Variants in KLHL32 observed in about 807,000 individuals in gnomAD.
KLHL32 encodes the protein kelch like family member 32.
Under a neutral mutation model 64.8 loss-of-function variants are expected in KLHL32, and 35 were observed. The observed-to-expected ratio is 0.54, with a 90% CI of 0.41 to 0.72. KLHL32 has a LOEUF of 0.72. KLHL32 is among the 30% of genes least tolerant of loss of function. The pLI is 0.00. For synonymous variants in KLHL32, 259 were observed against 281.0 expected, an observed-to-expected ratio of 0.92 and a Z score of 0.78; for missense variants, 589 against 768.5, an observed-to-expected ratio of 0.77 and a Z score of 2.76.
At chr6:97,093,940 T>C (rs1345523906) in intron 6 of KLHL32, among the ~76,000 whole-genome samples, 2 of 152,186 alleles carry the variant, frequency 1.3e-5, no homozygotes, top group African/African-American at 4.8e-5. Context: ...AAAAAGTCTG[T>C]AGGCTGTTGT....
rs1789432283 is a variant in KLHL32 at position 97,064,670 on chromosome 6, G to T, written c.355G>T (p.Gly119Cys). 6.2e-7 allele frequency: 1 copy of T among 1,613,924 alleles called. No individual in the cohort carries two copies. The highest frequency in any genetic ancestry group is 8.5e-7 in the Non-Finnish European group (1 of 1,180,008). ...PGVIQDVLAA[G>C]SHLQLLELLN... ...TGTGATCCAGGATGTGCTAGCAGCG[G>T]GCAGTCACCTACAGCTGTTGGAGCT... The change falls in exon 5 of 11, where the codon GGC becomes TGC. Residue 119 changes from glycine to cysteine, a missense_variant. Gly to Cys is a radical substitution (Grantham distance 159). Transcript: ENST00000369261.
At chr6:97,020,523 A>C (rs1249521722) in intron 3 of KLHL32, among the ~76,000 whole-genome samples, 1 of 150,802 alleles carries the variant, frequency 6.6e-6, no homozygotes, top group Non-Finnish European at 1.5e-5. Context: ...TCCTACTAGT[A>C]CTATCAACTC....
chr6:97,023,927 C>G (rs1175511180), intron 3 of KLHL32, among the ~76,000 whole-genome samples: 1 of 152,142 alleles, frequency 6.6e-6, no homozygotes, highest in Admixed American at 6.5e-5. Context: ...GCAATTGTGA[C>G]TTTTGAAAAA....
chr6:97,094,842 A>C (rs181162443), intron 6 of KLHL32, among the ~76,000 whole-genome samples: 24 of 152,310 alleles, frequency 1.6e-4, no homozygotes, highest in African/African-American at 5.3e-4. Context: ...CTGAGGACAC[A>C]TATCTTCTTT....
chr6:97,050,037 A>G lies in KLHL32; in HGVS notation c.312+8438A>G, dbSNP rs955681091. Reference sequence around the variant, plus strand: ...TTTATTAAATTTCTCTGTGCTATCCAGTCAGAATGTGCTCAGAGTCTAGTT... The same window carrying G: ...TTTATTAAATTTCTCTGTGCTATCCGGTCAGAATGTGCTCAGAGTCTAGTT... On this transcript the variant is annotated intron_variant, in intron 4 of 10. Coordinates refer to ENST00000369261, the MANE Select transcript of KLHL32 (RefSeq NM_052904.4). 2.6e-5 allele frequency among the ~76,000 whole-genome samples: 4 copies of G among 152,164 alleles called. No homozygotes were observed. The South Asian group carries it at 8.3e-4, about 32-fold the overall frequency.
intron 3 of KLHL32, among the ~76,000 whole-genome samples, chr6:97,008,579 T>G (rs183409096): frequency 3.9e-5 from 6 of 152,224 alleles, no homozygotes; most frequent in Admixed American, 3.9e-4. Context: ...CCACCTCTCC[T>G]GGCAGCTCTC....
chr6:96,968,208 A>G (rs537377037), intron 2 of KLHL32, among the ~76,000 whole-genome samples: 1 of 152,184 alleles, frequency 6.6e-6, no homozygotes, highest in East Asian at 1.9e-4. Context: ...GTGATTCTCA[A>G]TGGTGGATGG....
At chr6:97,128,480 C>T (rs1056509373) in intron 8 of KLHL32, among the ~76,000 whole-genome samples, 3 of 152,180 alleles carry the variant, frequency 2.0e-5, no homozygotes, top group Non-Finnish European at 4.4e-5. Context: ...CATGTTTGTA[C>T]ACACATGCTC....
At chr6:96,932,929 A>G (rs1244467885) in intron 1 of KLHL32, among the ~76,000 whole-genome samples, 4 of 152,182 alleles carry the variant, frequency 2.6e-5, no homozygotes, top group African/African-American at 9.7e-5. Context: ...TAGCCATCAG[A>G]AGCCTGCAAT....
At chr6:97,091,397 T>C (rs777633767) in intron 6 of KLHL32, among the ~76,000 whole-genome samples, 2 of 152,174 alleles carry the variant, frequency 1.3e-5, no homozygotes, top group Non-Finnish European at 2.9e-5. Flanking sequence ...CAAATAGTTA[T>C]TGAGTGCCTG....
At chr6:97,122,509 A>G (rs903063612) in intron 7 of KLHL32, among the ~76,000 whole-genome samples, 13 of 152,198 alleles carry the variant, frequency 8.5e-5, no homozygotes, top group African/African-American at 3.1e-4. Flanking sequence ...TTCCTATGGT[A>G]TTACTTTTTT....
chr6:97,006,287 G>A (rs994323664), intron 3 of KLHL32, among the ~76,000 whole-genome samples: 1 of 152,034 alleles, frequency 6.6e-6, no homozygotes, highest in Non-Finnish European at 1.5e-5. Context: ...TTAAATTGTT[G>A]TTGTTGATTT....
At chr6:97,130,177 C>A (rs1799283524) in intron 8 of KLHL32, among the ~76,000 whole-genome samples, 1 of 152,202 alleles carries the variant, frequency 6.6e-6, no homozygotes, top group African/African-American at 2.4e-5. Flanking sequence ...ATGTATTGAA[C>A]ATTTTTCATG....
At chr6:96,932,873 G>C (rs1185807555) in intron 1 of KLHL32, among the ~76,000 whole-genome samples, 1 of 152,030 alleles carries the variant, frequency 6.6e-6, no homozygotes, top group Non-Finnish European at 1.5e-5. Context: ...ACCTTACCAA[G>C]TTGCCAATTT....
intron 3 of KLHL32, among the ~76,000 whole-genome samples, chr6:97,039,669 A>C (rs762571370): frequency 7.0e-6 from 1 of 141,862 alleles, no homozygotes; most frequent in Non-Finnish European, 1.5e-5. Flanking sequence ...AAAATACAAA[A>C]ATTAGCCAGG....
intron 5 of KLHL32, among the ~76,000 whole-genome samples, chr6:97,065,830 A>G (rs1331689807): frequency 2.0e-5 from 3 of 152,130 alleles, no homozygotes; most frequent in Non-Finnish European, 4.4e-5. Context: ...CATCTTATTT[A>G]ATCTTCCCAG....
chr6:97,041,349 ATGAC>A (rs1361598995), intron 3 of KLHL32, 139 bp from the exon 4 acceptor site: 6 of 608,294 alleles, frequency 9.9e-6, no homozygotes, highest in Non-Finnish European at 1.8e-5. Context: ...GTTTGTGTGA[ATGAC>A]ACTTTCTAGA....
chr6:97,137,153 A>T (rs1562373586), intron 10 of KLHL32, among the ~76,000 whole-genome samples: 1 of 152,100 alleles, frequency 6.6e-6, no homozygotes, highest in African/African-American at 2.4e-5. Context: ...CCCTTTTCTC[A>T]TGGGGCGAAG....
At chr6:97,118,782 C>T (rs1798076643) in intron 7 of KLHL32, among the ~76,000 whole-genome samples, 1 of 152,150 alleles carries the variant, frequency 6.6e-6, no homozygotes, top group Non-Finnish European at 1.5e-5. Flanking sequence ...AGTTCCTAAC[C>T]TCTCCAAGTC....
Sources: allele counts gnomAD v4.1 joint callset (sites outside exome capture counted in the v4.1 genomes callset), GRCh38; gene constraint gnomAD v4.1.1; transcripts MANE v1.5; gene names NCBI Gene and HGNC (gene_info 2026-07-23, HGNC 2026-07-21).